AGAP1: variants seen among roughly 807,000 people sequenced by gnomAD.
AGAP1 encodes arf-GAP with GTPase, ANK repeat and PH domain-containing protein 1.
AGAP1 carries 29 observed loss-of-function variants against 105.3 expected under a neutral mutation model. The ratio of observed to expected loss-of-function variants is 0.28; its 90% CI spans 0.21 to 0.38. The LOEUF is 0.38. Ranked by LOEUF, AGAP1 falls within the 10% of genes least tolerant of loss-of-function variation. The pLI is 1.00. For synonymous variants in AGAP1, 509 were observed against 485.9 expected (o/e 1.05, Z -0.63); for missense variants, 998 against 1,165.1 (o/e 0.86, Z 2.09).
intron 1 of AGAP1, among the ~76,000 whole-genome samples, chr2:235,583,394 T>G (rs7557566): frequency 0.56 from 85,334 of 151,736 alleles, 24,891 homozygotes; most frequent in African/African-American, 0.71. Flanking sequence ...CACTGCCATA[T>G]AACCCCAGCC....
intron 9 of AGAP1, among the ~76,000 whole-genome samples, chr2:235,822,036 C>T (rs1958816711): frequency 6.6e-6 from 1 of 152,208 alleles, no homozygotes; most frequent in East Asian, 1.9e-4. Context: ...CTGTCTTATT[C>T]CTGGGAACAC....
intron 9 of AGAP1, among the ~76,000 whole-genome samples, chr2:235,822,183 G>A (rs1049197206): frequency 6.6e-6 from 1 of 152,170 alleles, no homozygotes; most frequent in African/African-American, 2.4e-5. Context: ...AGTGATAGAC[G>A]TTGTACTCAA....
At position 236,090,525 on chromosome 2, in the gene AGAP1, CG is replaced by C. The variant is rs2059030965; in HGVS notation, c.2115-29664del. ...GGGAACAGAGGCATGGAAAAGCAAA[CG>C]GGCTTTGCCAAGCGAGTGAGAGGCG... On this transcript the variant is annotated intron_variant, in intron 16 of 17. Coordinates refer to ENST00000304032, the MANE Select transcript of AGAP1 (RefSeq NM_001037131.3). The surrounding 1 kb of genome is among the most constrained non-coding windows in gnomAD (Gnocchi z 4.3). 6.6e-6 allele frequency among the ~76,000 whole-genome samples: 1 copy of C among 152,134 alleles called. No individual in the cohort carries two copies. The highest frequency in any genetic ancestry group is 2.1e-4 in the South Asian group (1 of 4,822).
chr2:235,746,003 G>A (rs1394058855), intron 5 of AGAP1, among the ~76,000 whole-genome samples: 1 of 152,306 alleles, frequency 6.6e-6, no homozygotes. Flanking sequence ...GTGCATGCCT[G>A]TAATACCAGC....
rs1399817314 is a variant in AGAP1 at position 235,586,199 on chromosome 2, A to G, written c.163+91350A>G. On this transcript the variant is annotated intron_variant, in intron 1 of 17. Coordinates refer to ENST00000304032, the MANE Select transcript of AGAP1 (RefSeq NM_001037131.3). The surrounding 1 kb of genome is among the most constrained non-coding windows in gnomAD (Gnocchi z 4.2). ...CACTACCTTGTGTGTGTGCGCATACACACAAAGAGGGTGAGCCCTCAGCCC... is the reference window on the plus strand; with the variant it reads ...CACTACCTTGTGTGTGTGCGCATACGCACAAAGAGGGTGAGCCCTCAGCCC... Among the ~76,000 whole-genome samples the G allele has an allele frequency of 6.6e-6, 1 of 152,206 alleles. No individual in the cohort carries two copies. The highest frequency in any genetic ancestry group is 1.5e-5 in the Non-Finnish European group (1 of 68,036).
chr2:235,876,282 C>G (rs2049722017), intron 9 of AGAP1, among the ~76,000 whole-genome samples: 1 of 152,112 alleles, frequency 6.6e-6, no homozygotes, highest in Non-Finnish European at 1.5e-5. Flanking sequence ...ACTAGTCAAC[C>G]TATTAAATGA....
intron 13 of AGAP1, among the ~76,000 whole-genome samples, chr2:236,007,681 G>C (rs2056368474): frequency 6.6e-6 from 1 of 152,234 alleles, no homozygotes; most frequent in Non-Finnish European, 1.5e-5. Flanking sequence ...TATTCTGTTA[G>C]AGGAGATTAA....
intron 16 of AGAP1, among the ~76,000 whole-genome samples, chr2:236,088,204 A>G (rs2058978206): frequency 1.3e-5 from 2 of 152,212 alleles, no homozygotes; most frequent in East Asian, 1.9e-4. Context: ...GTCCTCAGAC[A>G]GTGGAATCCT....
At chr2:235,806,067 G>A (rs577969961) in intron 8 of AGAP1, among the ~76,000 whole-genome samples, 13 of 152,184 alleles carry the variant, frequency 8.5e-5, no homozygotes, top group African/African-American at 1.7e-4. Flanking sequence ...TCCTAAATGC[G>A]TCCCATCAGC....
At chr2:235,852,571 T>C (rs900837124) in intron 9 of AGAP1, 2 of 1,013,108 alleles carry the variant, frequency 2.0e-6, no homozygotes, top group Admixed American at 4.0e-5. Context: ...TATCTCTTAA[T>C]GAATAGAGAC....
At chr2:235,773,900 TCTTG>T (rs1559468784) in intron 6 of AGAP1, 1 of 452,938 alleles carries the variant, frequency 2.2e-6, no homozygotes, top group Non-Finnish European at 4.5e-6. Flanking sequence ...TTTCTTCTTT[TCTTG>T]CTTGAGATAT....
chr2:235,587,870 T>G (rs945804393), intron 1 of AGAP1, among the ~76,000 whole-genome samples: 1 of 152,128 alleles, frequency 6.6e-6, no homozygotes, highest in Non-Finnish European at 1.5e-5. Flanking sequence ...CTGCTGCTCC[T>G]TCCACGCCTG....
intron 5 of AGAP1, among the ~76,000 whole-genome samples, chr2:235,745,798 C>T (rs1374256226): frequency 1.3e-5 from 2 of 152,150 alleles, no homozygotes; most frequent in African/African-American, 2.4e-5. Flanking sequence ...GATCACGAAC[C>T]TACAAAAGCC....
At chr2:235,856,607 G>C (rs766618286) in intron 9 of AGAP1, among the ~76,000 whole-genome samples, 1 of 152,244 alleles carries the variant, frequency 6.6e-6, no homozygotes, top group Non-Finnish European at 1.5e-5. Flanking sequence ...TGCCTGTCCA[G>C]TACTGAACCA....
chr2:235,637,209 G>A (rs1181808238), intron 1 of AGAP1, among the ~76,000 whole-genome samples: 1 of 152,116 alleles, frequency 6.6e-6, no homozygotes, highest in African/African-American at 2.4e-5. Context: ...GTAAAATGAG[G>A]CTAAGACCTG....
At chr2:235,829,225 T>C (rs1959185723) in intron 9 of AGAP1, among the ~76,000 whole-genome samples, 2 of 152,218 alleles carry the variant, frequency 1.3e-5, no homozygotes, top group Admixed American at 6.5e-5. Flanking sequence ...GCCTTGTTGT[T>C]AGATGGTGCA....
chr2:236,009,221 C>T lies in AGAP1; in HGVS notation c.1646-27340C>T, dbSNP rs914408037. 8.5e-5 allele frequency among the ~76,000 whole-genome samples: 13 copies of T among 152,176 alleles called. No homozygotes were observed. Among genetic ancestry groups the T allele is most frequent in the African/African-American group, 2.4e-4 (10 of 41,444 alleles). ...TTATAAGAGAACAGAACATTTACAC[C>T]GTCTTGTTGAGCAAATGAACGTTCA... On this transcript the variant is annotated intron_variant, in intron 13 of 17. Coordinates refer to ENST00000304032, the MANE Select transcript of AGAP1 (RefSeq NM_001037131.3). The surrounding 1 kb of genome is among the most constrained non-coding windows in gnomAD (Gnocchi z 4.2).
intron 6 of AGAP1, chr2:235,774,125 T>C: frequency 2.5e-6 from 1 of 392,984 alleles, no homozygotes; most frequent in Non-Finnish European, 5.1e-6. Flanking sequence ...AGGAGAAAAC[T>C]ATTTGTAGAA....
chr2:236,079,030 G>T (rs772903517), intron 16 of AGAP1, among the ~76,000 whole-genome samples: 8 of 146,176 alleles, frequency 5.5e-5, no homozygotes, highest in Admixed American at 2.7e-4. Flanking sequence ...GGTGTAGGAG[G>T]TGGTTGAAAC....
Sources: allele counts gnomAD v4.1 joint callset (sites outside exome capture counted in the v4.1 genomes callset), GRCh38; gene constraint gnomAD v4.1.1; non-coding constraint Gnocchi (gnomAD v3.1); transcripts MANE v1.5; gene names NCBI Gene and HGNC (gene_info 2026-07-23, HGNC 2026-07-21).